LUZP2: variants seen among roughly 807,000 people sequenced by gnomAD.
LUZP2 encodes leucine zipper protein 2.
Under a neutral mutation model 51.6 loss-of-function variants are expected in LUZP2, and 52 were observed. That is an observed-to-expected ratio of 1.01 (90% CI 0.81 to 1.27). LUZP2 has a LOEUF of 1.27. Ranked by LOEUF, LUZP2 falls within the 50% of genes most tolerant of loss-of-function variation. LUZP2 has a pLI of 0.00. For synonymous variants in LUZP2, 154 were observed against 137.3 expected (o/e 1.12, Z -0.85); for missense variants, 436 against 395.4 (o/e 1.10, Z -0.87).
At chr11:24,629,567 T>TAC (rs1265249360) in intron 1 of LUZP2, among the ~76,000 whole-genome samples, 54 of 147,538 alleles carry the variant, frequency 3.7e-4, no homozygotes, top group African/African-American at 1.2e-3. Context: ...TATATATATA[T>TAC]ACCATATTTT....
intron 7 of LUZP2, among the ~76,000 whole-genome samples, chr11:24,952,505 T>G (rs1043786482): frequency 2.6e-5 from 4 of 151,594 alleles, no homozygotes; most frequent in African/African-American, 9.7e-5. Context: ...GATTTCCAGG[T>G]GGGAAGTGAG....
chr11:24,821,124 T>C (rs1850344944), intron 5 of LUZP2, among the ~76,000 whole-genome samples: 1 of 152,132 alleles, frequency 6.6e-6, no homozygotes, highest in African/African-American at 2.4e-5. Flanking sequence ...ATTAGTAAAA[T>C]TTAAAAAGCA....
chr11:24,534,988 A>G (rs965944579), intron 1 of LUZP2, among the ~76,000 whole-genome samples: 1 of 151,286 alleles, frequency 6.6e-6, no homozygotes, highest in Non-Finnish European at 1.5e-5. Flanking sequence ...CACTTCAATA[A>G]AATGAATATT....
intron 7 of LUZP2, among the ~76,000 whole-genome samples, chr11:24,939,654 T>A (rs1854690031): frequency 6.6e-6 from 1 of 152,184 alleles, no homozygotes; most frequent in African/African-American, 2.4e-5. Flanking sequence ...TGGACACGAA[T>A]CACTATTTAA....
At chr11:24,721,497 T>G (rs1434517761) in intron 1 of LUZP2, among the ~76,000 whole-genome samples, 1 of 152,178 alleles carries the variant, frequency 6.6e-6, no homozygotes, top group East Asian at 1.9e-4. Context: ...TTTTAATTCT[T>G]GATAATAAAT....
chr11:24,545,638 G>C (rs1472132088), intron 1 of LUZP2, among the ~76,000 whole-genome samples: 2 of 137,350 alleles, frequency 1.5e-5, no homozygotes, highest in Admixed American at 8.0e-5. Context: ...CTGTTCCATT[G>C]GTCTGTGTGT....
At chr11:24,842,654 G>A (rs887489762) in intron 5 of LUZP2, among the ~76,000 whole-genome samples, 7 of 151,652 alleles carry the variant, frequency 4.6e-5, no homozygotes, top group Non-Finnish European at 7.4e-5. Context: ...TGGCTTAGAC[G>A]CAAATACTTC....
At chr11:24,943,970 G>C (rs746266230) in intron 7 of LUZP2, among the ~76,000 whole-genome samples, 5 of 151,984 alleles carry the variant, frequency 3.3e-5, no homozygotes, top group Non-Finnish European at 7.4e-5. Context: ...GTATGGTATG[G>C]TTTCTGCTTT....
At chr11:24,959,302 G>A (rs1253972632) in intron 7 of LUZP2, among the ~76,000 whole-genome samples, 1 of 152,064 alleles carries the variant, frequency 6.6e-6, no homozygotes, top group Non-Finnish European at 1.5e-5. Flanking sequence ...AAAGTCATTG[G>A]TAGCTTGATG....
chr11:25,025,552 T>A (rs1055327550), intron 9 of LUZP2, among the ~76,000 whole-genome samples: 1 of 152,114 alleles, frequency 6.6e-6, no homozygotes, highest in African/African-American at 2.4e-5. Flanking sequence ...AAAATGCTCA[T>A]CACTGGTCAT....
chr11:25,012,443 A>G lies in LUZP2; in HGVS notation c.765+29150A>G, dbSNP rs565455638. ...CCGTCTACATCTATTCTTTAGAACT[A>G]GAAAGGTGTTCCTATCTCCCTGATG... is the stretch of plus-strand genomic sequence containing the variant. On this transcript the variant is annotated intron_variant, in intron 9 of 11. Coordinates refer to ENST00000336930, the MANE Select transcript of LUZP2 (RefSeq NM_001009909.4). 2.5e-4 allele frequency among the ~76,000 whole-genome samples: 38 copies of G among 152,308 alleles called. No individual in the cohort carries two copies. The South Asian group carries it at 7.7e-3, about 31-fold the overall frequency.
intron 7 of LUZP2, among the ~76,000 whole-genome samples, chr11:24,964,856 A>G (rs1477252899): frequency 1.3e-5 from 2 of 151,882 alleles, no homozygotes; most frequent in South Asian, 2.1e-4. Flanking sequence ...TATCACTGAA[A>G]TTTCTTGTTC....
chr11:24,665,384 T>C (rs1354478213), intron 1 of LUZP2, among the ~76,000 whole-genome samples: 2 of 152,136 alleles, frequency 1.3e-5, no homozygotes, highest in Non-Finnish European at 2.9e-5. Context: ...AGACAAAACT[T>C]TGGACTTGGA....
intron 1 of LUZP2, among the ~76,000 whole-genome samples, chr11:24,597,894 G>C (rs181774044): frequency 6.6e-6 from 1 of 152,228 alleles, no homozygotes; most frequent in Non-Finnish European, 1.5e-5. Flanking sequence ...TTGAGGTCAG[G>C]AGTTCAAGAC....
chr11:24,525,399 T>C (rs145026296), intron 1 of LUZP2, among the ~76,000 whole-genome samples: 1 of 151,716 alleles, frequency 6.6e-6, no homozygotes, highest in East Asian at 1.9e-4. Context: ...TTTGTTATCA[T>C]GTTTTTTTGC....
intron 5 of LUZP2, among the ~76,000 whole-genome samples, chr11:24,882,697 T>A (rs1852511040): frequency 6.6e-6 from 1 of 152,108 alleles, no homozygotes; most frequent in African/African-American, 2.4e-5. Flanking sequence ...CATATGGGCT[T>A]CTTTCAGTTA....
At chr11:24,860,952 G>T (rs1240725576) in intron 5 of LUZP2, among the ~76,000 whole-genome samples, 1 of 152,164 alleles carries the variant, frequency 6.6e-6, no homozygotes, top group African/African-American at 2.4e-5. Context: ...CTGGATGGAG[G>T]ATCAGATGGA....
chr11:25,077,267 A>G (rs7939512), intron 10 of LUZP2, 62 bp from the exon 11 acceptor site: 9 of 1,208,182 alleles, frequency 7.4e-6, no homozygotes, highest in Admixed American at 6.8e-5. Flanking sequence ...AGTGTTTTTG[A>G]CTCCCCCCTC....
intron 9 of LUZP2, among the ~76,000 whole-genome samples, chr11:25,010,716 G>C (rs1018824168): frequency 1.3e-5 from 2 of 152,026 alleles, no homozygotes; most frequent in Non-Finnish European, 2.9e-5. Context: ...GCATGGTGGG[G>C]CACACATGTA....
Sources: gnomAD v4.1 joint callset for allele counts (sites outside exome capture counted in the v4.1 genomes callset) on GRCh38, gnomAD v4.1.1 for gene constraint, MANE v1.5 for transcripts, NCBI Gene and HGNC (gene_info 2026-07-23, HGNC 2026-07-21) for gene names.